Variants in HACL2 observed in about 807,000 individuals in gnomAD.
HACL2 encodes 2-hydroxyacyl-CoA lyase 2.
At chr19:15,116,158 C>G in the HACL2 span, 2 of 1,613,278 alleles carry the variant, frequency 1.2e-6, no homozygotes, top group African/African-American at 2.7e-5. Context: ...TTACCAGGAT[C>G]GAGCCAGCGC....
At chr19:15,116,529 A>C in the HACL2 span, 3 of 1,609,368 alleles carry the variant, frequency 1.9e-6, no homozygotes, top group African/African-American at 4.0e-5. Context: ...TCTCCTGGGG[A>C]AGGAAGAGGA....
chr19:15,117,839 T>A, the HACL2 span: 2 of 1,609,948 alleles, frequency 1.2e-6, no homozygotes, highest in African/African-American at 1.3e-5. Context: ...GGAGAGGGAC[T>A]GGGAGGAGCA....
Sources: gnomAD v4.1 joint callset for allele counts on GRCh38, gnomAD v4.1.1 for gene constraint, MANE v1.5 for transcripts, NCBI Gene and HGNC (gene_info 2026-07-23, HGNC 2026-07-21) for gene names.